Variants in SLC41A1 observed in about 807,000 individuals in gnomAD.
The protein encoded by SLC41A1 is solute carrier family 41 (magnesium transporter), member 1.
In SLC41A1, 20 loss-of-function variants were observed where a neutral mutation model predicts 47.3. The ratio of observed to expected loss-of-function variants is 0.42; its 90% confidence interval spans 0.30 to 0.61. The LOEUF is 0.61. Ranked by LOEUF, SLC41A1 falls within the 20% of genes least tolerant of loss-of-function variation. The pLI is 0.17. For synonymous variants in SLC41A1, 282 were observed against 272.7 expected, an observed-to-expected ratio of 1.03 and a Z score of -0.34; for missense variants, 504 against 674.1, an observed-to-expected ratio of 0.75 and a Z score of 2.79.
At chr1:205,806,263 TC>T (rs1656012681) in intron 2 of SLC41A1, among the ~76,000 whole-genome samples, 1 of 152,092 alleles carries the variant, frequency 6.6e-6, no homozygotes, top group Non-Finnish European at 1.5e-5. Context: ...GATAAGAGTG[TC>T]CCGCCCAGGG....
At position 205,810,191 on chromosome 1, in the gene SLC41A1, C is replaced by T. The variant is rs773375948; in HGVS notation, c.251G>A (p.Gly84Asp). 1.9e-6 allele frequency: 3 copies of T among 1,614,234 alleles called. No individual in the cohort carries two copies. The highest frequency in any genetic ancestry group is 2.5e-6 in the Non-Finnish European group (3 of 1,180,046). ...NESDDVSTDRGPAPPSPLKET... is the reference protein window; with the variant it reads ...NESDDVSTDRDPAPPSPLKET... The stretch of plus-strand genomic sequence containing the variant: ...CTTGAGCGGGGAAGGTGGCGCAGGG[C>T]CACGGTCTGTGCTGACGTCGTCACT... Residue 84 changes from glycine (G) to aspartate (D), a missense_variant, in exon 2 of 11, where the codon GGC becomes GAC. By Grantham distance (94) the Gly-to-Asp change is moderately conservative. Transcript: ENST00000367137. This position sits in a 1 kb window ranked among gnomAD's most constrained non-coding sequence, Gnocchi z 5.5.
At chr1:205,796,022 C>T in intron 8 of SLC41A1, 1 of 208,598 alleles carries the variant, frequency 4.8e-6, no homozygotes, top group Non-Finnish European at 9.7e-6. Context: ...TCTCTGTTGC[C>T]CTCACATCCC....
chr1:205,808,083 T>C (rs533031216), intron 2 of SLC41A1, among the ~76,000 whole-genome samples: 228 of 152,074 alleles, frequency 1.5e-3, no homozygotes, highest in African/African-American at 5.1e-3. Flanking sequence ...AGCTTCCAAG[T>C]AGCTGGGACT....
chr1:205,797,823 C>A (rs1356322205), intron 7 of SLC41A1, 81 bp downstream of exon 7: 2 of 1,572,742 alleles, frequency 1.3e-6, no homozygotes, highest in African/African-American at 2.7e-5. Context: ...CTGACCCCCA[C>A]CCCATCTCTC....
intron 2 of SLC41A1, among the ~76,000 whole-genome samples, chr1:205,806,587 T>C (rs1164060360): frequency 6.6e-6 from 1 of 152,222 alleles, no homozygotes; most frequent in Non-Finnish European, 1.5e-5. Context: ...ACAAGGCTCC[T>C]GCAGTGAGGA....
intron 10 of SLC41A1, among the ~76,000 whole-genome samples, chr1:205,792,747 A>C (rs1358889763): frequency 6.6e-6 from 1 of 152,212 alleles, no homozygotes; most frequent in Admixed American, 6.5e-5. Context: ...AGAATGAAAC[A>C]GATTCTGACG....
At position 205,791,095 on chromosome 1, in the gene SLC41A1, C is replaced by G; in HGVS notation, c.*438G>C. The G allele has an allele frequency of 3.8e-6, 1 of 264,478 alleles. No individual in the cohort carries two copies. The highest frequency in any genetic ancestry group is 4.3e-5 in the South Asian group (1 of 23,484). The allele number at this position is 264,478 out of a possible 1,614,324, so 16.4% of individuals were successfully genotyped here. A position where few individuals can be genotyped will look rare whatever the true frequency, so the allele number is the denominator to read the frequency against. On this transcript the variant is annotated 3_prime_UTR_variant, in exon 11 of 11. Transcript: ENST00000367137. This position sits in a 1 kb window ranked among gnomAD's most constrained non-coding sequence, Gnocchi z 4.0. ...TGGGAGTGTTACTTATTCTTCTGTC[C>G]CTCTGTTCAACCAAAACCAAAAATA... is the stretch of plus-strand genomic sequence containing the variant.
At chr1:205,801,421 CCCTCAAATTGCAATCCCT>C (rs2102505954) in intron 2 of SLC41A1, 1 of 331,450 alleles carries the variant, frequency 3.0e-6, no homozygotes, top group Non-Finnish European at 5.8e-6. Flanking sequence ...TTGCAATCCC[CCCTCAAATTGCAATCCCT>C]GGCCCCTTTG....
chr1:205,806,180 C>A (rs1336380663), intron 2 of SLC41A1, among the ~76,000 whole-genome samples: 1 of 152,176 alleles, frequency 6.6e-6, no homozygotes, highest in Non-Finnish European at 1.5e-5. Context: ...AAAGCAGGAG[C>A]AAAGCAAATG....
At chr1:205,809,293 T>C (rs1377604172) in intron 2 of SLC41A1, among the ~76,000 whole-genome samples, 1 of 152,042 alleles carries the variant, frequency 6.6e-6, no homozygotes, top group Non-Finnish European at 1.5e-5. Flanking sequence ...GCTCTTAGAT[T>C]CCATGTCCCA....
intron 2 of SLC41A1, among the ~76,000 whole-genome samples, chr1:205,803,087 T>C (rs908402223): frequency 2.0e-5 from 3 of 152,132 alleles, no homozygotes; most frequent in African/African-American, 7.2e-5. Context: ...AAGAATTGCT[T>C]GAACTTGGGA....
At position 205,810,121 on chromosome 1, in the gene SLC41A1, GAGGA is replaced by G; in HGVS notation, c.317_320del (p.Phe106SerfsTer26). On this transcript the variant is annotated frameshift_variant, in exon 2 of 11. Transcript: ENST00000367137. LOFTEE classifies it high-confidence loss of function. The surrounding 1 kb of genome is among the most constrained non-coding windows in gnomAD (Gnocchi z 5.5). ...CAGCCACGGTCCCAAAGCCTGCCAG[GAGGA>G]ATGGAAACAGTACTTGCAGCCCGAT... 1 of 1,614,182 alleles carries G rather than the reference GAGGA, an allele frequency of 6.2e-7. No homozygotes were observed. The highest frequency in any genetic ancestry group is 8.5e-7 in the Non-Finnish European group (1 of 1,180,012).
At chr1:205,801,248 C>G in intron 2 of SLC41A1, 188 bp from the exon 3 acceptor site, 1 of 575,650 alleles carries the variant, frequency 1.7e-6, no homozygotes, top group Non-Finnish European at 3.2e-6. Flanking sequence ...AACACAACCC[C>G]CCTTCCTGCC....
intron 5 of SLC41A1, 57 bp from the exon 6 acceptor site, chr1:205,798,872 A>C (rs1655807373): frequency 6.2e-7 from 1 of 1,614,188 alleles, no homozygotes; most frequent in African/African-American, 1.3e-5. Flanking sequence ...AGGAGTCTCA[A>C]CAAACAAAAA....
At chr1:205,795,893 T>A (rs930724425) in intron 8 of SLC41A1, 3 of 324,498 alleles carry the variant, frequency 9.2e-6, no homozygotes, top group South Asian at 5.6e-5. Context: ...TCCTCTCCAA[T>A]GCTCTGAGCA....
intron 8 of SLC41A1, chr1:205,795,700 C>A (rs900696364): frequency 1.6e-6 from 1 of 624,104 alleles, no homozygotes; most frequent in African/African-American, 1.8e-5. Flanking sequence ...CAGCCTCCCC[C>A]ATCCTCCCCT....
rs1321245791 is a variant in SLC41A1, at chr1:205,800,493, G to A, written c.480+460C>T. The stretch of plus-strand genomic sequence containing the variant: ...GCTCCTCTCTGTCTGTTTCCTTAAA[G>A]AAGAGCAAGCTGCCATGGGTAAAGG... On this transcript the variant is annotated intron_variant, in intron 3 of 10. Coordinates refer to ENST00000367137, the MANE Select transcript of SLC41A1 (RefSeq NM_173854.6). Among the ~76,000 whole-genome samples the A allele has an allele frequency of 5.9e-5, 9 of 152,324 alleles. No homozygotes were observed. In the East Asian group the frequency reaches 9.7e-4, roughly 16 times the overall value.
intron 1 of SLC41A1, among the ~76,000 whole-genome samples, chr1:205,811,753 A>G (rs1656161691): frequency 6.6e-6 from 1 of 152,228 alleles, no homozygotes; most frequent in Non-Finnish European, 1.5e-5. Flanking sequence ...TTGAGAGTCA[A>G]CAGTGTTACA....
chr1:205,798,937 C>T lies in SLC41A1; in HGVS notation c.697+20G>A. On this transcript the variant is annotated intron_variant, in intron 5 of 10. Coordinates refer to ENST00000367137, the MANE Select transcript of SLC41A1 (RefSeq NM_173854.6). ...CTCTGGGGCGGCACTCCTTACTCCT[C>T]TATGCCCTCCCTTTCTTACCCAGTA... The T allele has an allele frequency of 6.2e-7, 1 of 1,614,168 alleles. No individual in the cohort carries two copies. Among genetic ancestry groups the T allele is most frequent in the Non-Finnish European group, 8.5e-7 (1 of 1,180,036 alleles).
Sources: allele counts gnomAD v4.1 joint callset (sites outside exome capture counted in the v4.1 genomes callset), GRCh38; gene constraint gnomAD v4.1.1; non-coding constraint Gnocchi (gnomAD v3.1); transcripts MANE v1.5; gene names NCBI Gene and HGNC (gene_info 2026-07-23, HGNC 2026-07-21).